Variants in SCAPER observed in about 807,000 individuals in gnomAD.
SCAPER encodes S-phase cyclin A associated protein in the ER.
Under a neutral mutation model 182.2 loss-of-function variants are expected in SCAPER, and 98 were observed. The ratio of observed to expected loss-of-function variants is 0.54; its 90% CI spans 0.46 to 0.64. SCAPER has a LOEUF of 0.64. Among genes scored for constraint, SCAPER ranks in the 30% least tolerant of loss-of-function variants. SCAPER has a pLI of 0.00. For synonymous variants in SCAPER, 605 were observed against 564.6 expected, an observed-to-expected ratio of 1.07 and a Z score of -1.01; for missense variants, 1,432 against 1,690.0, an observed-to-expected ratio of 0.85 and a Z score of 2.68.
intron 2 of SCAPER, among the ~76,000 whole-genome samples, chr15:76,873,198 C>T (rs1424381426): frequency 1.3e-5 from 2 of 151,084 alleles, no homozygotes; most frequent in African/African-American, 4.9e-5. Context: ...CTGTAGTGAG[C>T]TATGATAGCA....
intron 21 of SCAPER, among the ~76,000 whole-genome samples, chr15:76,662,952 T>C (rs1567733822): frequency 6.6e-6 from 1 of 151,994 alleles, no homozygotes; most frequent in Non-Finnish European, 1.5e-5. Context: ...AGAAAAATAC[T>C]GATAAAGCAT....
intron 4 of SCAPER, among the ~76,000 whole-genome samples, chr15:76,855,457 C>CAAAAA (rs34226154): frequency 4.2e-4 from 49 of 116,218 alleles, no homozygotes; most frequent in African/African-American, 7.4e-4. Context: ...TTCTGCACAG[C>CAAAAA]AAAAAAAAAA....
intron 21 of SCAPER, among the ~76,000 whole-genome samples, chr15:76,646,972 C>T (rs1301576866): frequency 6.6e-6 from 1 of 152,116 alleles, no homozygotes; most frequent in Non-Finnish European, 1.5e-5. Flanking sequence ...ATGCCTTGAG[C>T]CTGAATTCCA....
intron 10 of SCAPER, among the ~76,000 whole-genome samples, chr15:76,769,851 T>G (rs1229398594): frequency 6.6e-6 from 1 of 152,158 alleles, no homozygotes; most frequent in Non-Finnish European, 1.5e-5. Context: ...ATCCCATTAC[T>G]GGGCATATAC....
intron 25 of SCAPER, among the ~76,000 whole-genome samples, chr15:76,456,487 A>G (rs879924661): frequency 5.3e-5 from 8 of 152,224 alleles, no homozygotes; most frequent in Admixed American, 3.3e-4. Context: ...CTTTAAATGT[A>G]TTAAAACTGT....
At chr15:76,381,657 T>C in intron 27 of SCAPER, 42 bp from the exon 28 acceptor site, 2 of 1,453,756 alleles carry the variant, frequency 1.4e-6, no homozygotes, top group South Asian at 2.4e-5. Context: ...AACTACTTAA[T>C]GGATGTTAGC....
At chr15:76,725,057 C>T (rs1016710662) in intron 17 of SCAPER, among the ~76,000 whole-genome samples, 2 of 152,004 alleles carry the variant, frequency 1.3e-5, no homozygotes, top group African/African-American at 4.8e-5. Flanking sequence ...TGTTCCTATT[C>T]GGTCATCTTC....
At chr15:76,368,044 T>A (rs991298555) in intron 29 of SCAPER, among the ~76,000 whole-genome samples, 1 of 152,214 alleles carries the variant, frequency 6.6e-6, no homozygotes, top group Non-Finnish European at 1.5e-5. Flanking sequence ...AAGGAACGTA[T>A]CTGTCACACA....
intron 26 of SCAPER, among the ~76,000 whole-genome samples, chr15:76,426,127 C>T (rs966702895): frequency 1.3e-5 from 2 of 152,198 alleles, no homozygotes; most frequent in African/African-American, 4.8e-5. Context: ...AGAACCACCA[C>T]TCATTTCAAA....
At chr15:76,675,534 A>T (rs1295000844) in intron 20 of SCAPER, among the ~76,000 whole-genome samples, 1 of 152,210 alleles carries the variant, frequency 6.6e-6, no homozygotes, top group Non-Finnish European at 1.5e-5. Context: ...TTAACTGGCA[A>T]TTACAGAATG....
intron 20 of SCAPER, among the ~76,000 whole-genome samples, chr15:76,690,605 G>A (rs897491855): frequency 1.1e-4 from 17 of 152,114 alleles, no homozygotes; most frequent in Admixed American, 1.1e-3. Flanking sequence ...ACTGTGCAAA[G>A]GGTATATAGA....
chr15:76,368,540 C>T (rs181856702), intron 29 of SCAPER, among the ~76,000 whole-genome samples: 1 of 152,292 alleles, frequency 6.6e-6, no homozygotes, highest in Admixed American at 6.5e-5. Context: ...GCTTCGCTGT[C>T]CAACTTACTT....
At chr15:76,588,255 T>C (rs1366586506) in intron 22 of SCAPER, among the ~76,000 whole-genome samples, 2 of 152,172 alleles carry the variant, frequency 1.3e-5, no homozygotes, top group African/African-American at 4.8e-5. Flanking sequence ...GCAGTAGTTG[T>C]TTTATAAATT....
At chr15:76,464,584 G>A (rs2049449678) in intron 25 of SCAPER, among the ~76,000 whole-genome samples, 1 of 152,014 alleles carries the variant, frequency 6.6e-6, no homozygotes, top group Non-Finnish European at 1.5e-5. Context: ...ATAGACCTAT[G>A]CAGTTCAAAC....
chr15:76,681,143 C>A (rs1361797320), intron 20 of SCAPER, among the ~76,000 whole-genome samples: 2 of 152,134 alleles, frequency 1.3e-5, no homozygotes, highest in African/African-American at 4.8e-5. Flanking sequence ...ACTTAAAAAT[C>A]AGGGTAAGAA....
chr15:76,688,356 T>C (rs902423379), intron 20 of SCAPER, among the ~76,000 whole-genome samples: 4 of 152,220 alleles, frequency 2.6e-5, no homozygotes, highest in African/African-American at 9.6e-5. Context: ...TATGGATAGA[T>C]TGCAAAAATT....
chr15:76,584,323 T>C lies in SCAPER; in HGVS notation c.2712-10039A>G, dbSNP rs573956340. On this transcript the variant is annotated intron_variant, in intron 22 of 31. Transcript: ENST00000563290. The stretch of plus-strand genomic sequence containing the variant: ...TAATAAGTACAAACATATAGTTAGA[T>C]AGAATGAATAAGACCTAGCATTTGA... 1.0e-3 allele frequency among the ~76,000 whole-genome samples: 156 copies of C among 152,302 alleles called. 1 individual carries two copies. The highest frequency in any genetic ancestry group is 3.5e-3 in the African/African-American group (147 of 41,562).
intron 26 of SCAPER, among the ~76,000 whole-genome samples, chr15:76,409,175 T>C (rs1235612376): frequency 2.6e-5 from 4 of 152,152 alleles, no homozygotes; most frequent in Non-Finnish European, 2.9e-5. Context: ...GAAATTCATT[T>C]TGTCAATCTC....
intron 20 of SCAPER, among the ~76,000 whole-genome samples, chr15:76,686,131 TA>T: frequency 6.6e-6 from 1 of 152,048 alleles, no homozygotes; most frequent in South Asian, 2.1e-4. Flanking sequence ...AAATCTAAGT[TA>T]AAAACTGTTA....
Sources: gnomAD v4.1 joint callset for allele counts (sites outside exome capture counted in the v4.1 genomes callset) on GRCh38, gnomAD v4.1.1 for gene constraint, MANE v1.5 for transcripts, NCBI Gene and HGNC (gene_info 2026-07-23, HGNC 2026-07-21) for gene names.